IGF1R: variants seen among roughly 807,000 people sequenced by gnomAD.
The protein encoded by IGF1R is insulin like growth factor 1 receptor.
Under a neutral mutation model 144.6 loss-of-function variants are expected in IGF1R, and 44 were observed. The ratio of observed to expected loss-of-function variants is 0.30; its 90% CI spans 0.24 to 0.39. IGF1R has a LOEUF of 0.39. IGF1R is among the 10% of genes least tolerant of loss of function. IGF1R has a pLI of 1.00. For missense variants in IGF1R, 1,355 were observed against 1,833.7 expected (o/e 0.74, Z 4.77); for synonymous variants, 795 against 722.8 (o/e 1.10, Z -1.60).
intron 1 of IGF1R, among the ~76,000 whole-genome samples, chr15:98,658,983 T>A (rs561563954): frequency 6.6e-6 from 1 of 152,376 alleles, no homozygotes; most frequent in East Asian, 1.9e-4. Flanking sequence ...CGTACACATG[T>A]CAAGTGCCTA....
At chr15:98,916,454 G>T in intron 9 of IGF1R, 1 of 595,336 alleles carries the variant, frequency 1.7e-6, no homozygotes, top group Admixed American at 2.8e-5. Flanking sequence ...TAGAGACGGG[G>T]TTTCACCATG....
intron 2 of IGF1R, among the ~76,000 whole-genome samples, chr15:98,840,729 G>A (rs1596348717): frequency 6.7e-6 from 1 of 148,760 alleles, no homozygotes; most frequent in Admixed American, 6.7e-5. Flanking sequence ...AGGTTGGAGT[G>A]CAGTGGTGCA....
chr15:98,775,032 G>T (rs1335120177), intron 2 of IGF1R, among the ~76,000 whole-genome samples: 1 of 152,172 alleles, frequency 6.6e-6, no homozygotes, highest in East Asian at 1.9e-4. Flanking sequence ...TCCACTGGAG[G>T]TTGTCTGACT....
intron 2 of IGF1R, among the ~76,000 whole-genome samples, chr15:98,815,871 C>A (rs141778793): frequency 6.6e-6 from 1 of 152,172 alleles, no homozygotes; most frequent in Non-Finnish European, 1.5e-5. Context: ...GGTACCATTG[C>A]CCACATGCTG....
intron 5 of IGF1R, among the ~76,000 whole-genome samples, chr15:98,901,158 T>C (rs1246454558): frequency 6.6e-6 from 1 of 152,216 alleles, no homozygotes; most frequent in Non-Finnish European, 1.5e-5. Flanking sequence ...CAAAATCTTT[T>C]TAAGGTTGCG....
intron 2 of IGF1R, among the ~76,000 whole-genome samples, chr15:98,838,303 T>C (rs1596346483): frequency 6.6e-6 from 1 of 152,290 alleles, no homozygotes; most frequent in South Asian, 2.1e-4. Flanking sequence ...AAGATAAAAA[T>C]TAAAATGACA....
rs1482999815 is a variant in IGF1R, at chr15:98,958,701, A to G, written c.*1259A>G. ...GATATTCATCTATACGTCTGTACAGAAAAAAAAAAGCTGCTATTTTTTTTG... is the reference window on the plus strand; with the variant it reads ...GATATTCATCTATACGTCTGTACAGGAAAAAAAAAGCTGCTATTTTTTTTG... On this transcript the variant is annotated 3_prime_UTR_variant, in exon 21 of 21. Transcript: ENST00000650285. 3.3e-5 allele frequency: 2 copies of G among 60,780 alleles called. No individual in the cohort carries two copies. Among genetic ancestry groups the G allele is most frequent in the African/African-American group, 4.5e-5 (1 of 22,464 alleles). The allele number at this position is 60,780 out of a possible 1,614,324, so 3.8% of individuals were successfully genotyped here. A position where few individuals can be genotyped will look rare whatever the true frequency, so the allele number is the denominator to read the frequency against.
intron 2 of IGF1R, among the ~76,000 whole-genome samples, chr15:98,709,705 C>G: frequency 6.6e-6 from 1 of 152,164 alleles, no homozygotes; most frequent in East Asian, 1.9e-4. Context: ...TGGGCCAGCC[C>G]TTCTGGGCTG....
intron 19 of IGF1R, among the ~76,000 whole-genome samples, chr15:98,943,676 T>C (rs1221961919): frequency 6.6e-6 from 1 of 152,240 alleles, no homozygotes; most frequent in Non-Finnish European, 1.5e-5. Flanking sequence ...CTTGGCAACA[T>C]TGCAGAGAGG....
intron 2 of IGF1R, among the ~76,000 whole-genome samples, chr15:98,842,367 C>T (rs1243424225): frequency 1.3e-5 from 2 of 152,196 alleles, no homozygotes; most frequent in African/African-American, 2.4e-5. Flanking sequence ...GTGCTCACAA[C>T]AGGATCATTG....
intron 2 of IGF1R, among the ~76,000 whole-genome samples, chr15:98,752,261 C>T (rs577536322): frequency 1.0e-3 from 157 of 152,288 alleles, no homozygotes; most frequent in Non-Finnish European, 1.7e-3. Flanking sequence ...CACACCAGGT[C>T]ATTTTTCTAT....
chr15:98,845,121 T>C (rs138756786), intron 2 of IGF1R, among the ~76,000 whole-genome samples: 171 of 152,316 alleles, frequency 1.1e-3, no homozygotes, highest in African/African-American at 3.8e-3. Context: ...TTGTACCTTG[T>C]ATTCAGTAGA....
chr15:98,774,692 G>A (rs1163696773), intron 2 of IGF1R, among the ~76,000 whole-genome samples: 1 of 149,652 alleles, frequency 6.7e-6, no homozygotes, highest in Admixed American at 6.7e-5. Flanking sequence ...CGGTGGTGGG[G>A]GGGTGGGGGG....
chr15:98,718,579 G>C (rs548039330), intron 2 of IGF1R, among the ~76,000 whole-genome samples: 172 of 152,312 alleles, frequency 1.1e-3, no homozygotes, highest in Non-Finnish European at 2.0e-3. Context: ...GGGGCCCCTG[G>C]GGAGGAGGGC....
chr15:98,802,213 T>C (rs1844806658), intron 2 of IGF1R, among the ~76,000 whole-genome samples: 1 of 152,194 alleles, frequency 6.6e-6, no homozygotes, highest in Non-Finnish European at 1.5e-5. Flanking sequence ...CGATCACTGT[T>C]TATAGCCAGT....
intron 2 of IGF1R, among the ~76,000 whole-genome samples, chr15:98,795,690 A>G (rs926509454): frequency 2.0e-5 from 3 of 152,198 alleles, no homozygotes; most frequent in African/African-American, 7.2e-5. Flanking sequence ...TGCTGGGATT[A>G]CAGTCATGAG....
At chr15:98,831,806 G>A (rs1241704414) in intron 2 of IGF1R, among the ~76,000 whole-genome samples, 1 of 152,150 alleles carries the variant, frequency 6.6e-6, no homozygotes, top group Non-Finnish European at 1.5e-5. Context: ...ACGCTCCAGA[G>A]GCAGAAATTG....
At chr15:98,803,749 A>G (rs980813247) in intron 2 of IGF1R, among the ~76,000 whole-genome samples, 19 of 151,830 alleles carry the variant, frequency 1.3e-4, no homozygotes, top group African/African-American at 4.3e-4. Flanking sequence ...TAAGTGATCC[A>G]CCCGCCTCGG....
intron 13 of IGF1R, among the ~76,000 whole-genome samples, chr15:98,927,077 A>G (rs2015750255): frequency 6.6e-6 from 1 of 152,156 alleles, no homozygotes; most frequent in Non-Finnish European, 1.5e-5. Context: ...TGGTGACATG[A>G]CATGTTCCTG....
Sources: gnomAD v4.1 joint callset for allele counts (sites outside exome capture counted in the v4.1 genomes callset) on GRCh38, gnomAD v4.1.1 for gene constraint, MANE v1.5 for transcripts, NCBI Gene and HGNC (gene_info 2026-07-23, HGNC 2026-07-21) for gene names.